Variants in HCRTR2 observed in about 807,000 individuals in gnomAD.
The protein encoded by HCRTR2 is hypocretin receptor 2, also known as orexin receptor type 2.
In HCRTR2, 22 loss-of-function variants were observed where a neutral mutation model predicts 49.0. The observed-to-expected ratio is 0.45, with a 90% CI of 0.32 to 0.64. The LOEUF (loss-of-function observed/expected upper bound fraction) is 0.64, where lower values mean the gene tolerates loss of function less well. HCRTR2 is among the 30% of genes least tolerant of loss of function. HCRTR2 has a pLI of 0.04. For synonymous variants in HCRTR2, 236 were observed against 205.3 expected, an observed-to-expected ratio of 1.15 and a Z score of -1.28; for missense variants, 491 against 559.4, an observed-to-expected ratio of 0.88 and a Z score of 1.23.
chr6:55,148,882 T>C (rs1185899646), intron 1 of HCRTR2, among the ~76,000 whole-genome samples: 1 of 152,168 alleles, frequency 6.6e-6, no homozygotes, highest in Non-Finnish European at 1.5e-5. Flanking sequence ...CATTGCAGTG[T>C]AATTTTACAG....
At chr6:55,222,940 A>T (rs1376520716) in intron 1 of HCRTR2, among the ~76,000 whole-genome samples, 2 of 152,166 alleles carry the variant, frequency 1.3e-5, no homozygotes, top group Non-Finnish European at 2.9e-5. Context: ...TTTTTACCAC[A>T]TTTTTTTGAA....
At chr6:55,278,280 A>G (rs977408846) in intron 5 of HCRTR2, among the ~76,000 whole-genome samples, 2 of 152,218 alleles carry the variant, frequency 1.3e-5, no homozygotes, top group African/African-American at 4.8e-5. Context: ...GGTACACACT[A>G]AACTTCATGG....
At chr6:55,263,863 A>G in intron 4 of HCRTR2, 41 bp downstream of exon 4, 1 of 1,153,702 alleles carries the variant, frequency 8.7e-7, no homozygotes, top group Non-Finnish European at 1.3e-6. Flanking sequence ...ATTCCTCCAC[A>G]CATAATTTGT....
intron 1 of HCRTR2, among the ~76,000 whole-genome samples, chr6:55,214,618 G>A (rs1765756233): frequency 6.6e-6 from 1 of 151,826 alleles, no homozygotes; most frequent in African/African-American, 2.4e-5. Context: ...TGGGATTACA[G>A]GCATGAGCCA....
intron 2 of HCRTR2, among the ~76,000 whole-genome samples, chr6:55,253,286 C>T (rs117336259): frequency 6.6e-6 from 1 of 152,100 alleles, no homozygotes; most frequent in East Asian, 1.9e-4. Flanking sequence ...TAGTGTGCAG[C>T]TAGCTGATCA....
chr6:55,277,213 C>T (rs1301894467), intron 4 of HCRTR2, among the ~76,000 whole-genome samples, 167 bp from the exon 5 acceptor site: 1 of 152,158 alleles, frequency 6.6e-6, no homozygotes, highest in Non-Finnish European at 1.5e-5. Context: ...TCTGAATTAA[C>T]GCCAAGCACA....
chr6:55,110,421 G>A (rs1764033247), intron 1 of HCRTR2, among the ~76,000 whole-genome samples: 1 of 151,998 alleles, frequency 6.6e-6, no homozygotes, highest in African/African-American at 2.4e-5. Context: ...CTACTTAAAA[G>A]ATACAGAATG....
chr6:55,180,469 G>T (rs1288375586), intron 1 of HCRTR2, among the ~76,000 whole-genome samples: 2 of 152,188 alleles, frequency 1.3e-5, no homozygotes, highest in Non-Finnish European at 2.9e-5. Context: ...CAGCTCTGAG[G>T]ATGAGCTCAT....
intron 1 of HCRTR2, among the ~76,000 whole-genome samples, chr6:55,131,709 T>A (rs2127246762): frequency 6.6e-6 from 1 of 151,972 alleles, no homozygotes; most frequent in African/African-American, 2.4e-5. Context: ...TTAGATGTGC[T>A]AAGAATAGAA....
chr6:55,207,554 T>A (rs1225670680), intron 1 of HCRTR2, among the ~76,000 whole-genome samples: 1 of 152,142 alleles, frequency 6.6e-6, no homozygotes, highest in African/African-American at 2.4e-5. Context: ...GACAGTTTTG[T>A]GGGATTGTAT....
intron 1 of HCRTR2, among the ~76,000 whole-genome samples, chr6:55,107,770 T>C (rs1763995408): frequency 6.6e-6 from 1 of 152,238 alleles, no homozygotes; most frequent in Admixed American, 6.5e-5. Context: ...ATTTTCTAAA[T>C]TTACTGCTGA....
intron 1 of HCRTR2, among the ~76,000 whole-genome samples, chr6:55,116,705 A>AAGAG (rs1241497780): frequency 3.0e-4 from 5 of 16,564 alleles, no homozygotes; most frequent in Admixed American, 1.1e-3. Context: ...CAGTACTGTA[A>AAGAG]AGAGAGAGAG....
At chr6:55,169,522 C>T (rs115687529), upstream of HCRTR2, among the ~76,000 whole-genome samples, 187 of 151,556 alleles carry the variant, frequency 1.2e-3, 3 homozygotes, top group African/African-American at 4.4e-3. Flanking sequence ...TCCCCTTTTC[C>T]CTTTTTATAA....
intron 1 of HCRTR2, among the ~76,000 whole-genome samples, chr6:55,126,994 G>A (rs959140236): frequency 6.6e-6 from 1 of 152,128 alleles, no homozygotes; most frequent in Non-Finnish European, 1.5e-5. Flanking sequence ...GTGGATCTTA[G>A]TTTGCTGGGC....
chr6:55,188,851 C>T (rs1284990094), intron 1 of HCRTR2, among the ~76,000 whole-genome samples: 3 of 152,136 alleles, frequency 2.0e-5, no homozygotes, highest in Non-Finnish European at 4.4e-5. Flanking sequence ...AAAGAAATAC[C>T]TTCTTCACTG....
At chr6:55,131,127 T>G (rs578141771) in intron 1 of HCRTR2, among the ~76,000 whole-genome samples, 7 of 151,978 alleles carry the variant, frequency 4.6e-5, no homozygotes, top group African/African-American at 1.7e-4. Context: ...CTTAATAGCA[T>G]GTCAGCATTT....
chr6:55,185,056 T>C (rs1052635784), intron 1 of HCRTR2, among the ~76,000 whole-genome samples: 3 of 152,208 alleles, frequency 2.0e-5, no homozygotes, highest in Non-Finnish European at 4.4e-5. Context: ...GGAGGTGTGA[T>C]TAAATGCTTA....
chr6:55,281,763 T>A (rs764015970), intron 6 of HCRTR2, among the ~76,000 whole-genome samples: 2 of 152,198 alleles, frequency 1.3e-5, no homozygotes, highest in Non-Finnish European at 2.9e-5. Context: ...AGTGTATGTT[T>A]CTAGGTATTT....
At chr6:55,135,503 C>A (rs1231912089) in intron 1 of HCRTR2, among the ~76,000 whole-genome samples, 5 of 152,072 alleles carry the variant, frequency 3.3e-5, no homozygotes, top group Non-Finnish European at 7.4e-5. Flanking sequence ...TTTATCTCTC[C>A]TCTCACAAAC....
Sources: gnomAD v4.1 joint callset for allele counts (sites outside exome capture counted in the v4.1 genomes callset) on GRCh38, gnomAD v4.1.1 for gene constraint, MANE v1.5 for transcripts, NCBI Gene and HGNC (gene_info 2026-07-23, HGNC 2026-07-21) for gene names.